The following PXDNL variants were observed in gnomAD, a reference collection of about 807,000 sequenced individuals.
The protein encoded by PXDNL is peroxidasin like.
PXDNL carries 145 observed loss-of-function variants against 150.8 expected under a neutral mutation model. The ratio of observed to expected loss-of-function variants is 0.96; its 90% CI spans 0.84 to 1.10. The LOEUF is 1.10. PXDNL is among the 50% of genes least tolerant of loss of function. The probability of loss-of-function intolerance (pLI) is 0.00; values close to 1 mark genes in which losing one functional copy is unlikely to be tolerated. For synonymous variants in PXDNL, 757 were observed against 725.7 expected (o/e 1.04, Z -0.69); for missense variants, 2,087 against 1,873.9 (o/e 1.11, Z -2.10).
At chr8:51,476,870 C>T (rs961906237) in intron 6 of PXDNL, among the ~76,000 whole-genome samples, 7 of 152,078 alleles carry the variant, frequency 4.6e-5, no homozygotes, top group Non-Finnish European at 1.0e-4. Flanking sequence ...GAGGAGAATA[C>T]AAAATGCCAT....
At chr8:51,808,078 T>G (rs1180102465) in intron 1 of PXDNL, among the ~76,000 whole-genome samples, 1 of 152,254 alleles carries the variant, frequency 6.6e-6, no homozygotes, top group Non-Finnish European at 1.5e-5. Context: ...TATGTCATTT[T>G]CTATGTAAAT....
At chr8:51,448,480 G>A (rs576400228) in intron 11 of PXDNL, among the ~76,000 whole-genome samples, 2 of 152,262 alleles carry the variant, frequency 1.3e-5, no homozygotes, top group Admixed American at 6.5e-5. Context: ...CGAGGCGGGC[G>A]GATCACGAGA....
intron 1 of PXDNL, among the ~76,000 whole-genome samples, chr8:51,750,083 AT>A (rs1198446292): frequency 6.6e-6 from 1 of 152,116 alleles, no homozygotes; most frequent in South Asian, 2.1e-4. Context: ...GAAAGTTTTT[AT>A]TTTTTTCCAC....
chr8:51,344,209 A>AC (rs1054447594), intron 20 of PXDNL, among the ~76,000 whole-genome samples: 2 of 151,384 alleles, frequency 1.3e-5, no homozygotes, highest in Non-Finnish European at 2.9e-5. Flanking sequence ...AGCTCAAGAC[A>AC]TTTTCCTGCC....
chr8:51,530,525 T>C (rs1470743253), intron 4 of PXDNL, among the ~76,000 whole-genome samples: 1 of 152,166 alleles, frequency 6.6e-6, no homozygotes, highest in Non-Finnish European at 1.5e-5. Flanking sequence ...CTGCTCAAAG[T>C]AGAGCCAACG....
At chr8:51,322,375 T>C (rs1805350489) in intron 21 of PXDNL, among the ~76,000 whole-genome samples, 1 of 151,920 alleles carries the variant, frequency 6.6e-6, no homozygotes, top group Non-Finnish European at 1.5e-5. Flanking sequence ...AACAGATCAG[T>C]ATTTCAGAAA....
At chr8:51,411,510 A>G (rs1203114064) in intron 15 of PXDNL, 103 bp from the exon 16 acceptor site, 2 of 1,067,120 alleles carry the variant, frequency 1.9e-6, no homozygotes, top group African/African-American at 3.4e-5. Context: ...AACATTCGAG[A>G]AGAATGAAAG....
intron 1 of PXDNL, among the ~76,000 whole-genome samples, chr8:51,708,400 G>C (rs1015105857): frequency 6.6e-6 from 1 of 152,220 alleles, no homozygotes; most frequent in Non-Finnish European, 1.5e-5. Flanking sequence ...CACAATGGAG[G>C]TGAAAAGACA....
chr8:51,474,861 C>G (rs544639102), intron 7 of PXDNL, 111 bp downstream of exon 7: 1 of 916,130 alleles, frequency 1.1e-6, no homozygotes, highest in Admixed American at 3.3e-5. Context: ...TCCTTAAAAA[C>G]ACTTTCTGAT....
At chr8:51,644,337 T>TATAAAC (rs762947295) in intron 2 of PXDNL, among the ~76,000 whole-genome samples, 1 of 50,168 alleles carries the variant, frequency 2.0e-5, no homozygotes, top group Non-Finnish European at 5.2e-5. Context: ...TATATATATA[T>TATAAAC]ACACACACAC....
intron 14 of PXDNL, among the ~76,000 whole-genome samples, chr8:51,419,106 T>C (rs1808879732): frequency 1.3e-5 from 2 of 152,066 alleles, no homozygotes; most frequent in African/African-American, 4.8e-5. Context: ...TCAAAATCAG[T>C]TTTTAACATG....
At chr8:51,534,984 G>T (rs1462519459) in intron 4 of PXDNL, among the ~76,000 whole-genome samples, 1 of 114,146 alleles carries the variant, frequency 8.8e-6, no homozygotes, top group South Asian at 2.8e-4. Flanking sequence ...TCAGCCCCCC[G>T]CCCGGCCAGC....
At chr8:51,723,680 G>A (rs1346021262) in intron 1 of PXDNL, among the ~76,000 whole-genome samples, 4 of 152,304 alleles carry the variant, frequency 2.6e-5, no homozygotes, top group East Asian at 3.9e-4. Flanking sequence ...GCCACCTGCC[G>A]AAGGTGGGCC....
chr8:51,628,188 T>C (rs1202017965), intron 2 of PXDNL, among the ~76,000 whole-genome samples: 1 of 152,068 alleles, frequency 6.6e-6, no homozygotes, highest in Non-Finnish European at 1.5e-5. Context: ...AAGAAAACCC[T>C]GTTTGCATTT....
At position 51,350,555 on chromosome 8, in the gene PXDNL, G is replaced by A. The variant is rs1187213653; in HGVS notation, c.3902-4608C>T. Among the ~76,000 whole-genome samples the A allele has an allele frequency of 2.0e-5, 3 of 151,672 alleles. No homozygotes were observed. In the South Asian group the frequency reaches 6.2e-4, roughly 32 times the overall value. On this transcript the variant is annotated intron_variant, in intron 19 of 22. Coordinates refer to ENST00000356297, the MANE Select transcript of PXDNL (RefSeq NM_144651.5). The stretch of plus-strand genomic sequence containing the variant: ...TTATTAGTAGAGACGGGGTTTCACT[G>A]TGTTGGCCAAGCTGTTCTCGAGCTC...
At chr8:51,641,808 G>A (rs1490663408) in intron 2 of PXDNL, among the ~76,000 whole-genome samples, 1 of 152,026 alleles carries the variant, frequency 6.6e-6, no homozygotes, top group Non-Finnish European at 1.5e-5. Flanking sequence ...CGATTCCTCA[G>A]GGATCTAGAA....
intron 17 of PXDNL, among the ~76,000 whole-genome samples, chr8:51,382,395 C>T (rs7018307): frequency 0.11 from 16,567 of 152,126 alleles, 1,072 homozygotes; most frequent in East Asian, 0.3. Flanking sequence ...CTTAAGCCAC[C>T]CAGTGTGTGG....
intron 12 of PXDNL, chr8:51,436,328 A>G: frequency 4.3e-6 from 2 of 460,884 alleles, no homozygotes; most frequent in South Asian, 1.6e-5. Context: ...AATCTCATAA[A>G]CATTATTCAG....
At chr8:51,378,744 C>T (rs896427639) in intron 17 of PXDNL, among the ~76,000 whole-genome samples, 2 of 149,286 alleles carry the variant, frequency 1.3e-5, no homozygotes, top group Admixed American at 6.6e-5. Context: ...GAACGAACAA[C>T]TCCACACGTG....
Sources: gnomAD v4.1 joint callset for allele counts (sites outside exome capture counted in the v4.1 genomes callset) on GRCh38, gnomAD v4.1.1 for gene constraint, MANE v1.5 for transcripts, NCBI Gene and HGNC (gene_info 2026-07-23, HGNC 2026-07-21) for gene names.